Variants in NBAS observed in about 807,000 individuals in gnomAD.
NBAS encodes NBAS subunit of NRZ tethering complex, also known as NAG/BC035112 fusion.
In NBAS, 219 loss-of-function variants were observed where a neutral mutation model predicts 302.5. That is an observed-to-expected ratio of 0.72 (90% CI 0.65 to 0.81). NBAS has a LOEUF of 0.81. Among genes scored for constraint, NBAS ranks in the 30% least tolerant of loss-of-function variants. The probability of loss-of-function intolerance (pLI) is 0.00; values close to 1 mark genes in which losing one functional copy is unlikely to be tolerated. For synonymous variants in NBAS, 1,118 were observed against 1,021.6 expected, an observed-to-expected ratio of 1.09 and a Z score of -1.80; for missense variants, 2,932 against 2,841.6, an observed-to-expected ratio of 1.03 and a Z score of -0.72.
At chr2:14,877,423 T>C in the NBAS span, among the ~76,000 whole-genome samples, 1 of 152,336 alleles carries the variant, frequency 6.6e-6, no homozygotes, top group South Asian at 2.1e-4. Flanking sequence ...CTTGTTCCCT[T>C]ATCAGACCTA....
At chr2:14,785,139 A>G in the NBAS span, among the ~76,000 whole-genome samples, 1 of 152,086 alleles carries the variant, frequency 6.6e-6, no homozygotes, top group African/African-American at 2.4e-5. Flanking sequence ...TTGGTGTATA[A>G]GAATGCTTGT....
rs185438434 is a variant in NBAS, at chr2:15,539,450, C to T, written c.380-94G>A. ...TGCAACTAAAGTAAGTATTCAAGTA[C>T]AATAATTACGTCATCTCCTAAGGAT... On this transcript the variant is annotated intron_variant, in intron 6 of 51. Transcript: ENST00000281513. 1.1e-4 allele frequency: 162 copies of T among 1,428,608 alleles called. 2 individuals carry two copies. The highest frequency in any genetic ancestry group is 1.4e-4 in the South Asian group (12 of 85,008). The allele number at this position is 1,428,608 out of a possible 1,614,324, so 88.5% of individuals were successfully genotyped here.
At chr2:14,991,162 C>G in the NBAS span, among the ~76,000 whole-genome samples, 2 of 152,072 alleles carry the variant, frequency 1.3e-5, no homozygotes, top group Non-Finnish European at 2.9e-5. Flanking sequence ...AGAAGACATG[C>G]AGGGTCCAAA....
chr2:15,482,348 C>T (rs938128737), intron 12 of NBAS, among the ~76,000 whole-genome samples: 1 of 152,128 alleles, frequency 6.6e-6, no homozygotes, highest in Admixed American at 6.5e-5. Flanking sequence ...AACTCCTGGG[C>T]TCAAGCAATT....
the NBAS span, among the ~76,000 whole-genome samples, chr2:14,966,136 G>A: frequency 6.6e-6 from 1 of 152,188 alleles, no homozygotes; most frequent in African/African-American, 2.4e-5. Context: ...GGAAGGATAA[G>A]TCCAAGAGCC....
intron 11 of NBAS, among the ~76,000 whole-genome samples, chr2:15,495,345 T>C (rs754236030): frequency 1.3e-5 from 2 of 152,170 alleles, no homozygotes; most frequent in Non-Finnish European, 2.9e-5. Context: ...GCATGATCTT[T>C]AAATCCAACT....
chr2:15,535,595 T>C (rs1663466050), intron 8 of NBAS, among the ~76,000 whole-genome samples: 1 of 150,234 alleles, frequency 6.7e-6, no homozygotes, highest in African/African-American at 2.5e-5. Context: ...AATGGCATAG[T>C]ATTTTCATAT....
chr2:14,800,495 T>A, the NBAS span, among the ~76,000 whole-genome samples: 2 of 152,208 alleles, frequency 1.3e-5, no homozygotes, highest in African/African-American at 4.8e-5. Context: ...TATGTCTTTA[T>A]CAGCAGTGTG....
At chr2:15,068,089 A>G in the NBAS span, among the ~76,000 whole-genome samples, 4 of 152,250 alleles carry the variant, frequency 2.6e-5, no homozygotes, top group Admixed American at 2.6e-4. Flanking sequence ...ACAAAGAATG[A>G]TCTAAAGTTG....
chr2:15,146,499 A>G, the NBAS span, among the ~76,000 whole-genome samples: 1 of 152,160 alleles, frequency 6.6e-6, no homozygotes, highest in Non-Finnish European at 1.5e-5. Flanking sequence ...AGTCAGAAGC[A>G]GATGGGTAGA....
chr2:15,475,557 C>CATTA, intron 14 of NBAS, 130 bp downstream of exon 14: 1 of 953,578 alleles, frequency 1.0e-6, no homozygotes, highest in Non-Finnish European at 1.6e-6. Flanking sequence ...ATACTACAAC[C>CATTA]ATTACCTGAT....
chr2:15,461,768 T>A lies in NBAS; in HGVS notation c.2121A>T (p.Ala707=), dbSNP rs1415231402. 6.2e-7 allele frequency: 1 copy of A among 1,604,022 alleles called. No individual in the cohort carries two copies. The highest frequency in any genetic ancestry group is 8.5e-7 in the Non-Finnish European group (1 of 1,171,552). Reference sequence around the variant, plus strand: ...ATTCAGCATCATATCTCTGTTCAGATGCATGAGGCACTCCTAGGATTTCCT... The same window carrying A: ...ATTCAGCATCATATCTCTGTTCAGAAGCATGAGGCACTCCTAGGATTTCCT... ...TYEEILGVPH[A]SEQRYDAEFF... The change falls in exon 20 of 52, where the codon GCA becomes GCT. Residue 707 remains alanine (A), a synonymous_variant. Transcript: ENST00000281513.
the NBAS span, among the ~76,000 whole-genome samples, chr2:15,112,559 T>G: frequency 6.6e-6 from 1 of 152,126 alleles, no homozygotes; most frequent in Admixed American, 6.6e-5. Flanking sequence ...TATTGAAAGA[T>G]CACAGCATTT....
chr2:14,997,613 A>G, the NBAS span, among the ~76,000 whole-genome samples: 1 of 152,148 alleles, frequency 6.6e-6, no homozygotes, highest in South Asian at 2.1e-4. Context: ...TCACATAAAT[A>G]CCTTTTTTTG....
chr2:14,948,597 A>T, the NBAS span, among the ~76,000 whole-genome samples: 7 of 152,094 alleles, frequency 4.6e-5, no homozygotes, highest in African/African-American at 7.2e-5. Flanking sequence ...AGAGGATATT[A>T]AAAAAATTGA....
intron 48 of NBAS, among the ~76,000 whole-genome samples, chr2:15,196,431 A>AAAGT (rs1453738423): frequency 6.6e-6 from 1 of 152,346 alleles, no homozygotes; most frequent in East Asian, 1.9e-4. Flanking sequence ...GAAACTAGGC[A>AAAGT]AAGTGCACCA....
At chr2:15,160,594 G>T in the NBAS span, among the ~76,000 whole-genome samples, 11 of 108,326 alleles carry the variant, frequency 1.0e-4, no homozygotes, top group South Asian at 4.4e-4. Flanking sequence ...GCGGGGGGAG[G>T]GGGGGGGGCA....
intron 38 of NBAS, among the ~76,000 whole-genome samples, chr2:15,321,264 A>C (rs184472965): frequency 3.3e-5 from 5 of 152,372 alleles, no homozygotes; most frequent in Non-Finnish European, 7.3e-5. Flanking sequence ...TTAAAGACTT[A>C]AATGTTAGAC....
chr2:14,998,607 TG>T, the NBAS span, among the ~76,000 whole-genome samples: 1 of 152,218 alleles, frequency 6.6e-6, no homozygotes, highest in South Asian at 2.1e-4. Context: ...CAGGCTACTC[TG>T]GGGGATTCAT....
Sources: allele counts gnomAD v4.1 joint callset (sites outside exome capture counted in the v4.1 genomes callset), GRCh38; gene constraint gnomAD v4.1.1; transcripts MANE v1.5; gene names NCBI Gene and HGNC (gene_info 2026-07-23, HGNC 2026-07-21).